MAPT: variants seen among roughly 807,000 people sequenced by gnomAD.
MAPT encodes microtubule associated protein tau, also known as microtubule-associated protein tau.
MAPT carries 34 observed loss-of-function variants against 67.9 expected under a neutral mutation model. The observed-to-expected ratio is 0.50, with a 90% CI of 0.38 to 0.67. The LOEUF (loss-of-function observed/expected upper bound fraction) is 0.67, where lower values mean the gene tolerates loss of function less well. Ranked by LOEUF, MAPT falls within the 30% of genes least tolerant of loss-of-function variation. MAPT has a pLI of 0.00. For synonymous variants in MAPT, 456 were observed against 464.5 expected, an observed-to-expected ratio of 0.98 and a Z score of 0.23; for missense variants, 881 against 1,115.2, an observed-to-expected ratio of 0.79 and a Z score of 2.99.
chr17:45,996,383 C>G lies in MAPT; in HGVS notation c.1733-16C>G. 1 of 1,609,310 alleles carries G rather than the reference C, an allele frequency of 6.2e-7. No individual in the cohort carries two copies. Among genetic ancestry groups the G allele is most frequent in the Non-Finnish European group, 8.5e-7 (1 of 1,179,428 alleles). On this transcript the variant is annotated splice_polypyrimidine_tract_variant and intron_variant, in intron 8 of 12. Coordinates refer to ENST00000262410, the MANE Select transcript of MAPT (RefSeq NM_001377265.1). The surrounding 1 kb of genome is among the most constrained non-coding windows in gnomAD (Gnocchi z 4.5). ...CCCACTCGAGTCCTGGCTTCACTCC[C>G]TTCCTTCCTTCCCAGGTGAACCTCC...
At chr17:45,928,548 T>G (rs1242095179) in intron 1 of MAPT, among the ~76,000 whole-genome samples, 1 of 152,198 alleles carries the variant, frequency 6.6e-6, no homozygotes, top group Non-Finnish European at 1.5e-5. Context: ...ACCTGCACTC[T>G]GGCTGCCTAC....
chr17:46,000,734 C>A (rs1185405727), intron 9 of MAPT, among the ~76,000 whole-genome samples: 1 of 152,152 alleles, frequency 6.6e-6, no homozygotes, highest in Non-Finnish European at 1.5e-5. Context: ...TCCTGTGCAC[C>A]CTGATCCAGT....
At chr17:46,022,034 AG>A (rs1232701949) in intron 12 of MAPT, among the ~76,000 whole-genome samples, 2 of 152,244 alleles carry the variant, frequency 1.3e-5, no homozygotes, top group African/African-American at 4.8e-5. Flanking sequence ...TTTTTATCAA[AG>A]CCTGTATTAA....
chr17:45,947,418 C>T (rs2145048126), intron 1 of MAPT, among the ~76,000 whole-genome samples: 1 of 146,082 alleles, frequency 6.8e-6, no homozygotes, highest in South Asian at 2.2e-4. Context: ...CAGTCTTACT[C>T]TGTCACCCAG....
chr17:45,918,740 C>CATTTATAAAGAA (rs1162442704), intron 1 of MAPT, among the ~76,000 whole-genome samples: 1 of 152,148 alleles, frequency 6.6e-6, no homozygotes, highest in Non-Finnish European at 1.5e-5. Flanking sequence ...GAGACTGGAT[C>CATTTATAAAGAA]ATTTATAAAG....
intron 8 of MAPT, chr17:45,993,852 C>T: frequency 2.0e-6 from 3 of 1,468,136 alleles, no homozygotes; most frequent in South Asian, 2.4e-5. Flanking sequence ...GGGTGCCTGC[C>T]ACGTGAAGGA....
rs1224188207 is a variant in MAPT at position 45,971,605 on chromosome 17, T to C, written c.134-254T>C. On this transcript the variant is annotated intron_variant, in intron 2 of 12. Coordinates refer to ENST00000262410, the MANE Select transcript of MAPT (RefSeq NM_001377265.1). The surrounding 1 kb of genome is among the most constrained non-coding windows in gnomAD (Gnocchi z 4.3). The stretch of plus-strand genomic sequence containing the variant: ...ACCACTAGCTGGTTAAGAGGCACTT[T>C]GTCCTTTCACCCAGGAGCAAACGCA... Among the ~76,000 whole-genome samples the C allele has an allele frequency of 6.6e-6, 1 of 152,220 alleles. No individual in the cohort carries two copies. The highest frequency in any genetic ancestry group is 1.5e-5 in the Non-Finnish European group (1 of 68,032).
At chr17:46,003,812 T>C (rs73317025) in intron 9 of MAPT, among the ~76,000 whole-genome samples, 18,281 of 152,168 alleles carry the variant, frequency 0.12, 1,150 homozygotes, top group Middle Eastern at 0.32. Flanking sequence ...TCTGAGACCC[T>C]CCAGGCATCT....
intron 4 of MAPT, among the ~76,000 whole-genome samples, chr17:45,981,958 G>T (rs1194568343): frequency 1.4e-5 from 2 of 147,848 alleles, no homozygotes; most frequent in African/African-American, 5.0e-5. Context: ...AGTTAAAGTT[G>T]CAATGAGCTG....
At chr17:45,904,258 T>TAC (rs1400841386) in intron 1 of MAPT, among the ~76,000 whole-genome samples, 3 of 50,610 alleles carry the variant, frequency 5.9e-5, no homozygotes, top group Non-Finnish European at 1.1e-4. Flanking sequence ...TTATATATTA[T>TAC]ATATTATATA....
chr17:46,008,595 T>C (rs1210369498), intron 9 of MAPT, among the ~76,000 whole-genome samples: 1 of 152,194 alleles, frequency 6.6e-6, no homozygotes, highest in African/African-American at 2.4e-5. Flanking sequence ...CTAATAAAAA[T>C]ACATAGTCTT....
chr17:46,002,081 G>GT, intron 9 of MAPT, among the ~76,000 whole-genome samples: 1 of 152,234 alleles, frequency 6.6e-6, no homozygotes, highest in African/African-American at 2.4e-5. Context: ...GCAGCAGAGG[G>GT]TGTGTGTTCA....
rs1450725529 is a variant in MAPT, at chr17:45,903,817, TA to T, written c.-18+9134del. Among the ~76,000 whole-genome samples the T allele has an allele frequency of 6.1e-3, 149 of 24,314 alleles. 6 individuals are homozygous for T. The highest frequency in any genetic ancestry group is 0.024 in the African/African-American group (141 of 5,770). 16.0% of individuals were successfully genotyped at this position (24,314 alleles called of 152,430 possible). A position where few individuals can be genotyped will look rare whatever the true frequency, so the allele number is the denominator to read the frequency against. ...ATATATATTTATATAATATAATATATAAATATATTATATATTATATATTTTA... is the reference window on the plus strand; with the variant it reads ...ATATATATTTATATAATATAATATATAATATATTATATATTATATATTTTA... On this transcript the variant is annotated intron_variant, in intron 1 of 12. Transcript: ENST00000262410.
intron 11 of MAPT, among the ~76,000 whole-genome samples, chr17:46,017,161 G>C (rs1344031596): frequency 6.6e-6 from 1 of 152,238 alleles, no homozygotes; most frequent in Admixed American, 6.5e-5. Context: ...CCAGCTGTGA[G>C]AGCAGCTGGG....
intron 1 of MAPT, among the ~76,000 whole-genome samples, chr17:45,941,677 TCCCTCCTTCCTTCCTTCCTTCCTGCCTG>T (rs2067927788): frequency 1.0e-5 from 1 of 99,350 alleles, no homozygotes; most frequent in African/African-American, 4.4e-5. Flanking sequence ...CTTCCCCCCT[TCCCTCCTTCCTTCCTTCCTTCCTGCCTG>T]CCTTCCTTCC....
intron 2 of MAPT, among the ~76,000 whole-genome samples, chr17:45,966,403 C>CA (rs2071084447): frequency 6.6e-6 from 1 of 151,964 alleles, no homozygotes; most frequent in Non-Finnish European, 1.5e-5. Flanking sequence ...GCCTGGGCAA[C>CA]ATGGTGAAAT....
chr17:45,926,986 TACACACACATACACATATATATAC>T (rs2066398369), intron 1 of MAPT, among the ~76,000 whole-genome samples: 1 of 151,382 alleles, frequency 6.6e-6, no homozygotes, highest in African/African-American at 2.4e-5. Flanking sequence ...TGTATATATA[TACACACACATACACATATATATAC>T]ACACACACAT....
chr17:45,901,265 G>A (rs1040097177), intron 1 of MAPT, among the ~76,000 whole-genome samples: 1 of 152,196 alleles, frequency 6.6e-6, no homozygotes, highest in Non-Finnish European at 1.5e-5. Context: ...AAACTGACCT[G>A]CCTTCCCGCC....
chr17:45,947,299 C>T (rs2068599956), intron 1 of MAPT, among the ~76,000 whole-genome samples: 1 of 152,004 alleles, frequency 6.6e-6, no homozygotes, highest in Non-Finnish European at 1.5e-5. Context: ...GACCAGCTGC[C>T]ACAGAAGAGT....
Sources: gnomAD v4.1 joint callset for allele counts (sites outside exome capture counted in the v4.1 genomes callset) on GRCh38, gnomAD v4.1.1 for gene constraint, Gnocchi (gnomAD v3.1) non-coding constraint, MANE v1.5 for transcripts, NCBI Gene and HGNC (gene_info 2026-07-23, HGNC 2026-07-21) for gene names.